Variants in A1CF observed in about 807,000 individuals in gnomAD.
The protein encoded by A1CF is APOBEC-1 stimulating protein.
A neutral mutation model predicts 68.9 loss-of-function variants in A1CF; 48 were observed. The observed-to-expected ratio is 0.70, with a 90% CI of 0.55 to 0.89. A1CF has a LOEUF of 0.89. Ranked by LOEUF, A1CF falls within the 40% of genes least tolerant of loss-of-function variation. The pLI, the probability that A1CF is intolerant of heterozygous loss-of-function variation, is 0.00. For missense variants in A1CF, 653 were observed against 718.9 expected, an observed-to-expected ratio of 0.91 and a Z score of 1.05; for synonymous variants, 272 against 260.4, an observed-to-expected ratio of 1.04 and a Z score of -0.43.
intron 9 of A1CF, 84 bp downstream of exon 9, chr10:50,815,922 C>T (rs1446882575): frequency 1.4e-6 from 2 of 1,455,846 alleles, no homozygotes; most frequent in Non-Finnish European, 9.3e-7. Context: ...TCCAAGTGGA[C>T]CCATCCAATG....
chr10:50,820,499 T>A, intron 8 of A1CF, 53 bp downstream of exon 8: 2 of 1,520,658 alleles, frequency 1.3e-6, no homozygotes, highest in Non-Finnish European at 1.8e-6. Context: ...GGATGTAATA[T>A]CCACACCAAA....
intron 3 of A1CF, among the ~76,000 whole-genome samples, chr10:50,855,939 T>C (rs1395268808): frequency 6.6e-6 from 1 of 152,048 alleles, no homozygotes; most frequent in East Asian, 1.9e-4. Context: ...TTGATGTTCT[T>C]AATGTTGCCT....
intron 8 of A1CF, among the ~76,000 whole-genome samples, chr10:50,818,874 A>G (rs978263663): frequency 6.6e-6 from 1 of 152,070 alleles, no homozygotes. Context: ...TCCCTTTGCC[A>G]TCTGGATCCA....
chr10:50,838,010 T>A (rs1276430210), intron 5 of A1CF, among the ~76,000 whole-genome samples: 1 of 152,222 alleles, frequency 6.6e-6, no homozygotes, highest in Non-Finnish European at 1.5e-5. Context: ...TTAACTTTTA[T>A]TACTTTATGC....
At chr10:50,884,207 G>A (rs979495913) in intron 1 of A1CF, among the ~76,000 whole-genome samples, 1 of 152,200 alleles carries the variant, frequency 6.6e-6, no homozygotes, top group Non-Finnish European at 1.5e-5. Flanking sequence ...CTTGGCATTA[G>A]TGCAGTAGAA....
At chr10:50,861,892 ATAG>A (rs1188181088) in intron 2 of A1CF, among the ~76,000 whole-genome samples, 5 of 149,246 alleles carry the variant, frequency 3.4e-5, no homozygotes, top group African/African-American at 9.8e-5. Context: ...TAGTATTACT[ATAG>A]TAGTGCATAT....
intron 5 of A1CF, among the ~76,000 whole-genome samples, chr10:50,837,897 T>C (rs1839581401): frequency 6.6e-6 from 1 of 152,150 alleles, no homozygotes; most frequent in Non-Finnish European, 1.5e-5. Context: ...AATAAGTATA[T>C]GTGAAGGCCA....
At position 50,806,932 on chromosome 10, in the gene A1CF, T is replaced by C. The variant is rs779504862; in HGVS notation, c.1610-52A>G. 1.9e-6 allele frequency: 3 copies of C among 1,551,256 alleles called. No individual in the cohort carries two copies. In the Admixed American group the frequency reaches 6.0e-5, roughly 31 times the overall value. On this transcript the variant is annotated intron_variant, in intron 12 of 12. Transcript: ENST00000373997. ...ATGAAAGGAATTCACATTTGCTCCC[T>C]TTTGGCTTATTTGTCTTCTTTTAGA...
intron 12 of A1CF, 139 bp from the exon 13 acceptor site, chr10:50,807,019 C>A: frequency 3.6e-6 from 3 of 828,476 alleles, no homozygotes; most frequent in Non-Finnish European, 5.4e-6. Context: ...TAAAAAGTGT[C>A]CTTAAGGACA....
intron 6 of A1CF, among the ~76,000 whole-genome samples, chr10:50,833,090 C>T (rs1217539835): frequency 6.6e-6 from 1 of 152,178 alleles, no homozygotes; most frequent in Non-Finnish European, 1.5e-5. Flanking sequence ...AGTTCCCTAA[C>T]TTTATATTCC....
In A1CF at chr10:50,800,594, A is replaced by G. The variant is rs924322014; in HGVS notation, c.*6135T>C. ...TTGTATTCACAGTTTCTGGTATAAG[A>G]GTAGGTGCATAGTAAACACAGGCTG... On this transcript the variant is annotated 3_prime_UTR_variant, in exon 13 of 13. Coordinates refer to ENST00000373997, the MANE Select transcript of A1CF (RefSeq NM_014576.4). 1.9e-4 allele frequency: 29 copies of G among 152,194 alleles called. No homozygotes were observed. The highest frequency in any genetic ancestry group is 7.0e-4 in the African/African-American group (29 of 41,458). The allele number at this position is 152,194 out of a possible 1,614,324, so 9.4% of individuals were successfully genotyped here.
At chr10:50,822,609 AC>A (rs1838730355) in intron 7 of A1CF, 1 of 152,124 alleles carries the variant, frequency 6.6e-6, no homozygotes, top group East Asian at 1.9e-4. Context: ...TCAACAGTCG[AC>A]CCTTGACTTC....
intron 5 of A1CF, among the ~76,000 whole-genome samples, chr10:50,840,245 A>G (rs1839712007): frequency 6.6e-6 from 1 of 151,698 alleles, no homozygotes; most frequent in South Asian, 2.1e-4. Flanking sequence ...AAAAAACTGC[A>G]TCTAGAATTG....
intron 6 of A1CF, among the ~76,000 whole-genome samples, chr10:50,830,404 G>A (rs554020488): frequency 6.6e-6 from 1 of 152,190 alleles, no homozygotes; most frequent in Admixed American, 6.6e-5. Context: ...TAATAAACAA[G>A]CTCAGTATAG....
chr10:50,820,592 C>T lies in A1CF; in HGVS notation c.827G>A (p.Arg276Gln), dbSNP rs771176712. The T allele has an allele frequency of 6.2e-6, 10 of 1,613,478 alleles. No individual in the cohort carries two copies. Among genetic ancestry groups the T allele is most frequent in the African/African-American group, 2.7e-5 (2 of 74,884 alleles). The change falls in exon 8 of 13, where the codon CGA becomes CAA. Residue 276 changes from arginine (R) to glutamine (Q), a missense_variant. Transcript: ENST00000373997. ...TTTCATAGCCTCAACTGCATCTTCT[C>T]GGTTACTGAAGTGCACAAAAGCATA... ...RDYAFVHFSNREDAVEAMKAL... is the reference protein window; with the variant it reads ...RDYAFVHFSNQEDAVEAMKAL...
chr10:50,834,608 A>T (rs1402158956), intron 6 of A1CF, among the ~76,000 whole-genome samples: 2 of 152,226 alleles, frequency 1.3e-5, no homozygotes, highest in Non-Finnish European at 2.9e-5. Flanking sequence ...ACACACAGCA[A>T]GGAGTTATGA....
chr10:50,858,997 C>G (rs940475782), intron 3 of A1CF, among the ~76,000 whole-genome samples: 1 of 151,998 alleles, frequency 6.6e-6, no homozygotes, highest in Non-Finnish European at 1.5e-5. Context: ...GACAAAGGAG[C>G]ATCTAATGGA....
intron 10 of A1CF, among the ~76,000 whole-genome samples, chr10:50,813,343 A>C (rs565816985): frequency 7.9e-5 from 12 of 152,368 alleles, no homozygotes; most frequent in African/African-American, 2.2e-4. Context: ...CCACTGCCAA[A>C]ATATAACTAT....
rs1163760422 is a variant in A1CF, at chr10:50,801,283, G to A, written c.*5446C>T. The A allele has an allele frequency of 2.0e-5, 3 of 152,188 alleles. No homozygotes were observed. The highest frequency in any genetic ancestry group is 1.5e-5 in the Non-Finnish European group (1 of 68,026). 9.4% of individuals were successfully genotyped at this position (152,188 alleles called of 1,614,324 possible). Reference sequence around the variant, plus strand: ...TACTATGACCCTGCTCAGTCAGAAAGAAGTAGCTAGGCTCTTTAGTTTAAG... The same window carrying A: ...TACTATGACCCTGCTCAGTCAGAAAAAAGTAGCTAGGCTCTTTAGTTTAAG... On this transcript the variant is annotated 3_prime_UTR_variant, in exon 13 of 13. Transcript: ENST00000373997.
Sources: gnomAD v4.1 joint callset for allele counts (sites outside exome capture counted in the v4.1 genomes callset) on GRCh38, gnomAD v4.1.1 for gene constraint, MANE v1.5 for transcripts, NCBI Gene and HGNC (gene_info 2026-07-23, HGNC 2026-07-21) for gene names.